TBC1D7: variants seen among roughly 807,000 people sequenced by gnomAD.
TBC1D7 encodes TBC1 domain family member 7, also known as TBC domain family 7.
TBC1D7 carries 33 observed loss-of-function variants against 35.3 expected under a neutral mutation model. The observed-to-expected ratio is 0.93, with a 90% CI of 0.71 to 1.25. The LOEUF is 1.25. TBC1D7 is among the 50% of genes most tolerant of loss of function. TBC1D7 has a pLI of 0.00. For missense variants in TBC1D7, 362 were observed against 365.3 expected (o/e 0.99, Z 0.07); for synonymous variants, 135 against 129.5 (o/e 1.04, Z -0.29).
At position 13,320,951 on chromosome 6, in the gene TBC1D7, T is replaced by A. The variant is rs1395835091; in HGVS notation, c.338A>T (p.Gln113Leu). ...TCGAGGTAACTTCCCAGACTCCAGC[T>A]GATACATGCGGAGATAGACTTCAGC... ...PQAEVYLRMY[Q>L]LESGKLPRSP... is the part of the protein sequence containing the mutation. The change falls in exon 4 of 8, where the codon CAG becomes CTG. Residue 113 changes from glutamine to leucine, a missense_variant. Coordinates refer to ENST00000379300, the MANE Select transcript of TBC1D7 (RefSeq NM_016495.6). 3 of 1,614,048 alleles carry A rather than the reference T, an allele frequency of 1.9e-6. No homozygotes were observed. The highest frequency in any genetic ancestry group is 2.2e-5 in the East Asian group (1 of 44,896).
At chr6:13,311,769 A>G (rs1317766136) in intron 5 of TBC1D7, among the ~76,000 whole-genome samples, 1 of 152,168 alleles carries the variant, frequency 6.6e-6, no homozygotes, top group Non-Finnish European at 1.5e-5. Context: ...AGAAAAAGGC[A>G]AGCTCAAGAA....
At position 13,321,052 on chromosome 6, in the gene TBC1D7, C is replaced by T. The variant is rs1784007304; in HGVS notation, c.237G>A (p.Met79Ile). The change falls in exon 4 of 8, where the codon ATG becomes ATA. Residue 79 changes from methionine (M) to isoleucine (I), a missense_variant. Physicochemically the swap from Met to Ile is conservative, Grantham distance 10 (BLOSUM62 1). Transcript: ENST00000379300. Reference protein sequence around the residue: ...PHHESHAKVMMYRKEQYLDVL... With the variant: ...PHHESHAKVMIYRKEQYLDVL... ...CATCCAAGTACTGCTCCTTACGATACATCATCACCTTGGCATGGGACTCGT... is the reference window on the plus strand; with the variant it reads ...CATCCAAGTACTGCTCCTTACGATATATCATCACCTTGGCATGGGACTCGT... The T allele has an allele frequency of 3.1e-6, 5 of 1,614,114 alleles. No individual in the cohort carries two copies. The highest frequency in any genetic ancestry group is 4.2e-6 in the Non-Finnish European group (5 of 1,179,986).
At position 13,307,629 on chromosome 6, in the gene TBC1D7, C is replaced by T. The variant is rs758015030; in HGVS notation, c.636G>A (p.Ala212=). 6.2e-6 allele frequency: 10 copies of T among 1,614,006 alleles called. No homozygotes were observed. The highest frequency in any genetic ancestry group is 1.3e-5 in the African/African-American group (1 of 74,906). ...PYDLWFKRCF[A]GCLPESSLQR... ...GTAAACTGGATTCAGGCAAACATCC[C>T]GCAAAGCACCTCTTGAACCAGAGAT... The change falls in exon 6 of 8, where the codon GCG becomes GCA. Residue 212 remains alanine, a synonymous_variant. Transcript: ENST00000379300.
chr6:13,309,985 C>CT (rs1452813886), intron 5 of TBC1D7, among the ~76,000 whole-genome samples: 1 of 152,210 alleles, frequency 6.6e-6, no homozygotes, highest in African/African-American at 2.4e-5. Flanking sequence ...TGAAGTATCA[C>CT]TGCCTACCTA....
chr6:13,326,399 G>C (rs1784407380), intron 2 of TBC1D7, among the ~76,000 whole-genome samples: 1 of 151,282 alleles, frequency 6.6e-6, no homozygotes, highest in African/African-American at 2.4e-5. Context: ...GGAAGTGTAG[G>C]TTGCTGTGAG....
chr6:13,305,082 C>A lies in TBC1D7; in HGVS notation c.*19G>T. 2 of 1,593,202 alleles carry A rather than the reference C, an allele frequency of 1.3e-6. No homozygotes were observed. Among genetic ancestry groups the A allele is most frequent in the Non-Finnish European group, 1.7e-6 (2 of 1,167,828 alleles). ...CTCACTGTGGTGCCTGGCAGACGGT[C>A]CACAACCAGCGGGTGCGTTCAGCTT... is the stretch of plus-strand genomic sequence containing the variant. On this transcript the variant is annotated 3_prime_UTR_variant, in exon 8 of 8. Transcript: ENST00000379300.
chr6:13,310,088 A>C (rs1438256874), intron 5 of TBC1D7, among the ~76,000 whole-genome samples: 1 of 152,196 alleles, frequency 6.6e-6, no homozygotes, highest in Non-Finnish European at 1.5e-5. Context: ...AAAGACTATG[A>C]GCTCTATGAA....
At chr6:13,323,220 G>A (rs1784168727) in intron 3 of TBC1D7, among the ~76,000 whole-genome samples, 1 of 152,122 alleles carries the variant, frequency 6.6e-6, no homozygotes, top group Non-Finnish European at 1.5e-5. Context: ...GGGCGTGGGG[G>A]TGCGCGCCTG....
At chr6:13,322,312 T>C (rs936069928) in intron 3 of TBC1D7, among the ~76,000 whole-genome samples, 1 of 152,138 alleles carries the variant, frequency 6.6e-6, no homozygotes, top group Non-Finnish European at 1.5e-5. Flanking sequence ...CAAGCCTCAT[T>C]AAACTTAATG....
intron 7 of TBC1D7, 39 bp downstream of exon 7, chr6:13,306,359 T>C (rs1209745720): frequency 1.3e-6 from 2 of 1,563,172 alleles, no homozygotes; most frequent in Non-Finnish European, 1.7e-6. Flanking sequence ...CTAAGGTAAC[T>C]TCATTTCCAG....
At chr6:13,305,542 G>A (rs1782751678) in intron 7 of TBC1D7, 1 of 293,642 alleles carries the variant, frequency 3.4e-6, no homozygotes, top group South Asian at 3.5e-5. Flanking sequence ...CACAGGCTTC[G>A]CACTGCTAGC....
At chr6:13,313,670 T>A (rs966932768) in intron 5 of TBC1D7, among the ~76,000 whole-genome samples, 2 of 152,144 alleles carry the variant, frequency 1.3e-5, no homozygotes, top group Admixed American at 1.3e-4. Context: ...AAATATTTTT[T>A]AAAAGGTGGT....
chr6:13,307,888 T>C (rs1349992469), intron 5 of TBC1D7, 143 bp from the exon 6 acceptor site: 1 of 901,528 alleles, frequency 1.1e-6, no homozygotes, highest in African/African-American at 1.7e-5. Flanking sequence ...AAGTCACTTG[T>C]GACACAGCAG....
In TBC1D7 at chr6:13,328,332, T is replaced by G. The variant is rs367894899; in HGVS notation, c.-45A>C. On this transcript the variant is annotated 5_prime_UTR_variant, in exon 1 of 8. Transcript: ENST00000379300. ...CAAACACACCCGGGTTGAGACTAAGTGGTCCGGGAGAAGCAGAGGAAGCCG... is the reference window on the plus strand; with the variant it reads ...CAAACACACCCGGGTTGAGACTAAGGGGTCCGGGAGAAGCAGAGGAAGCCG... 2.4e-4 allele frequency: 37 copies of G among 152,660 alleles called. No homozygotes were observed. Among genetic ancestry groups the G allele is most frequent in the African/African-American group, 8.4e-4 (35 of 41,580 alleles). 9.5% of individuals were successfully genotyped at this position (152,660 alleles called of 1,614,324 possible).
At chr6:13,315,824 T>C (rs779371718) in intron 5 of TBC1D7, among the ~76,000 whole-genome samples, 1 of 152,230 alleles carries the variant, frequency 6.6e-6, no homozygotes, top group African/African-American at 2.4e-5. Context: ...TAGTTAGGTT[T>C]TGGGGGAGTC....
chr6:13,325,282 G>C, intron 2 of TBC1D7, 108 bp from the exon 3 acceptor site: 1 of 763,116 alleles, frequency 1.3e-6, no homozygotes, highest in African/African-American at 1.8e-5. Flanking sequence ...ATTTCTTCAG[G>C]GGAAGTCTAC....
intron 1 of TBC1D7, among the ~76,000 whole-genome samples, chr6:13,327,379 A>T (rs1363603660): frequency 6.6e-6 from 1 of 152,222 alleles, no homozygotes; most frequent in Admixed American, 6.5e-5. Flanking sequence ...AAATGTTAGC[A>T]ATGGTTATCT....
intron 5 of TBC1D7, among the ~76,000 whole-genome samples, chr6:13,310,002 T>C (rs937892523): frequency 3.9e-5 from 6 of 152,184 alleles, no homozygotes; most frequent in African/African-American, 1.4e-4. Context: ...CCTATCAGAA[T>C]GGCAAAAATT....
In TBC1D7 at chr6:13,306,489, AG is replaced by A. The variant is rs1263785474; in HGVS notation, c.703del (p.Leu235Ter). On this transcript the variant is annotated frameshift_variant, in exon 7 of 8. Coordinates refer to ENST00000379300, the MANE Select transcript of TBC1D7 (RefSeq NM_016495.6). LOFTEE classifies it high-confidence loss of function. Reference protein sequence around the residue: ...DKVVSGSCKILVFVAVEILLT... With the variant: ...DKVVSGSCKIXVFVAVEILLT... ...TAAAATTTCGACAGCTACAAAAACT[AG>A]GATCTTACAGGATCCACTCACAACT... 6.2e-6 allele frequency: 10 copies of A among 1,608,872 alleles called. No homozygotes were observed. The highest frequency in any genetic ancestry group is 1.3e-5 in the African/African-American group (1 of 74,828).
Sources: allele counts gnomAD v4.1 joint callset (sites outside exome capture counted in the v4.1 genomes callset), GRCh38; gene constraint gnomAD v4.1.1; transcripts MANE v1.5; gene names NCBI Gene and HGNC (gene_info 2026-07-23, HGNC 2026-07-21).